CNTNAP2: variants seen among roughly 807,000 people sequenced by gnomAD.
The protein encoded by CNTNAP2 is contactin-associated protein-like 2.
In CNTNAP2, 98 loss-of-function variants were observed where a neutral mutation model predicts 155.2. The ratio of observed to expected loss-of-function variants is 0.63; its 90% CI spans 0.54 to 0.75. The LOEUF (loss-of-function observed/expected upper bound fraction) is 0.75. Ranked by LOEUF, CNTNAP2 falls within the 30% of genes least tolerant of loss-of-function variation. The probability of loss-of-function intolerance (pLI) is 0.00; values close to 1 mark genes in which losing one functional copy is unlikely to be tolerated. For missense variants in CNTNAP2, 1,727 were observed against 1,688.1 expected (o/e 1.02, Z -0.40); for synonymous variants, 651 against 631.2 (o/e 1.03, Z -0.47).
chr7:146,591,290 A>G (rs1459052632), intron 1 of CNTNAP2, among the ~76,000 whole-genome samples: 1 of 152,196 alleles, frequency 6.6e-6, no homozygotes, highest in Non-Finnish European at 1.5e-5. Context: ...AGCATTTCGG[A>G]TGAGGGATAC....
intron 3 of CNTNAP2, among the ~76,000 whole-genome samples, chr7:146,875,775 G>GT (rs1028576359): frequency 1.3e-5 from 2 of 151,240 alleles, no homozygotes; most frequent in African/African-American, 4.9e-5. Context: ...GCCAGGTGTG[G>GT]TGGCTCATGC....
At chr7:146,315,995 T>G (rs1800899109) in intron 1 of CNTNAP2, among the ~76,000 whole-genome samples, 1 of 152,190 alleles carries the variant, frequency 6.6e-6, no homozygotes, top group African/African-American at 2.4e-5. Context: ...TTTCTTTCAG[T>G]TTTTTGAAAC....
intron 16 of CNTNAP2, among the ~76,000 whole-genome samples, chr7:148,118,543 T>A (rs1403908577): frequency 2.0e-5 from 3 of 152,106 alleles, no homozygotes; most frequent in South Asian, 2.1e-4. Context: ...CACACCGCCC[T>A]GAGAATGTGG....
At chr7:146,561,394 C>T (rs1002672157) in intron 1 of CNTNAP2, among the ~76,000 whole-genome samples, 1 of 152,138 alleles carries the variant, frequency 6.6e-6, no homozygotes, top group Non-Finnish European at 1.5e-5. Context: ...GTGGCTCACA[C>T]CTGTAATCCC....
In CNTNAP2 at chr7:148,105,201, T is replaced by C. The variant is rs1390997424; in HGVS notation, c.2384-12917T>C. 7.2e-5 allele frequency among the ~76,000 whole-genome samples: 11 copies of C among 152,340 alleles called. No homozygotes were observed. The East Asian group carries it at 1.5e-3, about 21-fold the overall frequency. On this transcript the variant is annotated intron_variant, in intron 15 of 23. Transcript: ENST00000361727. ...AATAGTACCATGCCCAGTCCGGGGA[T>C]ACGTCAGAAAGACTGTCTGGAGGAG...
intron 15 of CNTNAP2, among the ~76,000 whole-genome samples, chr7:147,979,578 A>C (rs1801486937): frequency 6.6e-6 from 1 of 152,184 alleles, no homozygotes; most frequent in Non-Finnish European, 1.5e-5. Flanking sequence ...ATATATTTAT[A>C]AAAATTCCAC....
intron 11 of CNTNAP2, among the ~76,000 whole-genome samples, chr7:147,547,517 G>T (rs1324178202): frequency 6.6e-6 from 1 of 152,130 alleles, no homozygotes; most frequent in Non-Finnish European, 1.5e-5. Flanking sequence ...ATTCAGATAA[G>T]CTACCTTTGC....
chr7:146,621,266 T>C (rs999189954), intron 1 of CNTNAP2, among the ~76,000 whole-genome samples: 4 of 152,234 alleles, frequency 2.6e-5, no homozygotes, highest in African/African-American at 7.2e-5. Flanking sequence ...ATTCCCGTTA[T>C]CACCGACAAC....
chr7:146,282,724 G>C (rs1409976766), intron 1 of CNTNAP2, among the ~76,000 whole-genome samples: 1 of 152,058 alleles, frequency 6.6e-6, no homozygotes, highest in African/African-American at 2.4e-5. Context: ...TTTTAAAATG[G>C]ACAAAATTCT....
At chr7:146,532,874 G>A (rs1339692244) in intron 1 of CNTNAP2, among the ~76,000 whole-genome samples, 1 of 151,732 alleles carries the variant, frequency 6.6e-6, no homozygotes, top group Non-Finnish European at 1.5e-5. Flanking sequence ...CACAAGGTCA[G>A]GAGTTCGAGA....
At chr7:146,906,176 T>C (rs1222014018) in intron 3 of CNTNAP2, among the ~76,000 whole-genome samples, 1 of 152,070 alleles carries the variant, frequency 6.6e-6, no homozygotes, top group Non-Finnish European at 1.5e-5. Context: ...CGCTGATTGC[T>C]AGCACAGCAG....
chr7:146,539,655 A>G (rs1797921546), intron 1 of CNTNAP2, among the ~76,000 whole-genome samples: 1 of 152,088 alleles, frequency 6.6e-6, no homozygotes, highest in South Asian at 2.1e-4. Flanking sequence ...ATGCTGAAGA[A>G]CTGTAGATTT....
intron 15 of CNTNAP2, among the ~76,000 whole-genome samples, chr7:148,092,716 G>A (rs187084504): frequency 1.3e-5 from 2 of 152,110 alleles, no homozygotes; most frequent in East Asian, 1.9e-4. Context: ...ATTTAGTAAC[G>A]CTGGGGTTGC....
At position 147,395,668 on chromosome 7, in the gene CNTNAP2, T is replaced by C; in HGVS notation, c.1558T>C (p.Cys520Arg). The change falls in exon 10 of 24, where the codon TGC (cysteine) becomes CGC (arginine). Residue 520 changes from cysteine (C) to arginine (R), a missense_variant. Transcript: ENST00000361727. Reference protein sequence around the residue: ...HSVLQPSFQGCMQLIQVDDQL... With the variant: ...HSVLQPSFQGRMQLIQVDDQL... ...TGTCCTTCAGCCTTCATTCCAAGGA[T>C]GCATGCAGCTCATTCAAGTGGACGA... is the stretch of plus-strand genomic sequence containing the variant. 1.2e-6 allele frequency: 2 copies of C among 1,612,646 alleles called. No individual in the cohort carries two copies. The highest frequency in any genetic ancestry group is 1.7e-6 in the Non-Finnish European group (2 of 1,178,868).
intron 15 of CNTNAP2, among the ~76,000 whole-genome samples, chr7:148,016,135 GT>G (rs1249665206): frequency 2.6e-4 from 39 of 152,224 alleles, no homozygotes; most frequent in African/African-American, 9.2e-4. Context: ...TCGGGCACCA[GT>G]TTTGAATGAA....
intron 1 of CNTNAP2, among the ~76,000 whole-genome samples, chr7:146,519,207 T>C (rs951631629): frequency 3.3e-5 from 5 of 151,770 alleles, no homozygotes; most frequent in African/African-American, 1.2e-4. Flanking sequence ...GAATTCTAAA[T>C]GTCTAGATCT....
intron 1 of CNTNAP2, among the ~76,000 whole-genome samples, chr7:146,331,353 C>T (rs1483822940): frequency 1.3e-5 from 2 of 151,974 alleles, no homozygotes; most frequent in African/African-American, 4.8e-5. Flanking sequence ...TTATTCGGCC[C>T]TTTATTGAGT....
chr7:147,694,987 C>G (rs1796141351), intron 13 of CNTNAP2, among the ~76,000 whole-genome samples: 1 of 152,084 alleles, frequency 6.6e-6, no homozygotes, highest in African/African-American at 2.4e-5. Flanking sequence ...TACAATTTCC[C>G]TCTAAGCACT....
chr7:147,745,702 A>G (rs535566061), intron 13 of CNTNAP2, among the ~76,000 whole-genome samples: 1 of 152,318 alleles, frequency 6.6e-6, no homozygotes, highest in African/African-American at 2.4e-5. Context: ...AAGATTTAAA[A>G]CAAAATGCTC....
Sources: gnomAD v4.1 joint callset for allele counts (sites outside exome capture counted in the v4.1 genomes callset) on GRCh38, gnomAD v4.1.1 for gene constraint, MANE v1.5 for transcripts, NCBI Gene and HGNC (gene_info 2026-07-23, HGNC 2026-07-21) for gene names.